Variants in MGAT4C observed in about 807,000 individuals in gnomAD.
MGAT4C encodes MGAT4 family member C.
A neutral mutation model predicts 40.1 loss-of-function variants in MGAT4C; 19 were observed. The ratio of observed to expected loss-of-function variants is 0.47; its 90% CI spans 0.33 to 0.70. The LOEUF (loss-of-function observed/expected upper bound fraction) is 0.70. Among genes scored for constraint, MGAT4C ranks in the 30% least tolerant of loss-of-function variants. The pLI is 0.02. For missense variants in MGAT4C, 491 were observed against 563.2 expected, an observed-to-expected ratio of 0.87 and a Z score of 1.30; for synonymous variants, 181 against 187.1, an observed-to-expected ratio of 0.97 and a Z score of 0.27.
At chr12:86,084,064 A>C (rs1871310093) in intron 1 of MGAT4C, among the ~76,000 whole-genome samples, 1 of 152,036 alleles carries the variant, frequency 6.6e-6, no homozygotes, top group South Asian at 2.1e-4. Flanking sequence ...TCATTCAACA[A>C]CTATTTCTGA....
chr12:86,251,164 A>G (rs1252798984), intron 1 of MGAT4C, among the ~76,000 whole-genome samples: 1 of 149,268 alleles, frequency 6.7e-6, no homozygotes, highest in Non-Finnish European at 1.5e-5. Context: ...TGAAGGCATG[A>G]AGACTGAAAA....
intron 1 of MGAT4C, among the ~76,000 whole-genome samples, chr12:86,053,835 AT>A (rs1272952457): frequency 6.6e-6 from 1 of 151,988 alleles, no homozygotes; most frequent in Non-Finnish European, 1.5e-5. Context: ...AGGTATATAC[AT>A]AAAAAATGCT....
chr12:86,055,245 A>G (rs1393335351), intron 1 of MGAT4C, among the ~76,000 whole-genome samples: 1 of 152,102 alleles, frequency 6.6e-6, no homozygotes, highest in Non-Finnish European at 1.5e-5. Flanking sequence ...ATAAATTTAC[A>G]TAAAGCACTG....
chr12:86,569,964 C>T (rs931195803), intron 2 of MGAT4C, among the ~76,000 whole-genome samples: 2 of 152,004 alleles, frequency 1.3e-5, no homozygotes, highest in Non-Finnish European at 2.9e-5. Flanking sequence ...AAGATAAATA[C>T]ATTATCTCAC....
At chr12:86,533,702 T>G (rs2136375770) in intron 2 of MGAT4C, among the ~76,000 whole-genome samples, 1 of 151,728 alleles carries the variant, frequency 6.6e-6, no homozygotes, top group African/African-American at 2.4e-5. Flanking sequence ...TATCTATATA[T>G]ATAAACAAAA....
At chr12:86,634,515 G>A (rs943975932) in intron 2 of MGAT4C, among the ~76,000 whole-genome samples, 7 of 152,080 alleles carry the variant, frequency 4.6e-5, no homozygotes, top group Non-Finnish European at 1.0e-4. Context: ...GTTTCACAAG[G>A]CAATTGTTTT....
intron 2 of MGAT4C, among the ~76,000 whole-genome samples, chr12:86,589,843 A>G (rs1277086485): frequency 6.6e-6 from 1 of 152,048 alleles, no homozygotes; most frequent in African/African-American, 2.4e-5. Flanking sequence ...TTAAAGCAAT[A>G]TTACTTGGAA....
At chr12:86,562,453 A>C (rs1419396112) in intron 2 of MGAT4C, among the ~76,000 whole-genome samples, 3 of 152,004 alleles carry the variant, frequency 2.0e-5, no homozygotes, top group Admixed American at 6.6e-5. Flanking sequence ...TTTTTGCCAG[A>C]GGAAAAAGCC....
Position 85,968,553 on chromosome 12 carries a change from G to C in MGAT4C, c.*10736C>G, listed in dbSNP as rs1883468708. 1 of 151,828 alleles carries C rather than the reference G, an allele frequency of 6.6e-6. No individual in the cohort carries two copies. Among genetic ancestry groups the C allele is most frequent in the Admixed American group, 6.6e-5 (1 of 15,200 alleles). 9.4% of individuals were successfully genotyped at this position (151,828 alleles called of 1,614,324 possible). On this transcript the variant is annotated 3_prime_UTR_variant, in exon 5 of 5. Coordinates refer to ENST00000611864, the MANE Select transcript of MGAT4C (RefSeq NM_001351288.2). ...AATAGTATTGAAATACCTAAAAAGG[G>C]CAGGAAACAACACAGAATAATCTAC... is the stretch of plus-strand genomic sequence containing the variant.
At chr12:86,754,910 G>A (rs748335343) in intron 1 of MGAT4C, among the ~76,000 whole-genome samples, 2 of 151,692 alleles carry the variant, frequency 1.3e-5, no homozygotes, top group African/African-American at 4.8e-5. Flanking sequence ...CTATGTTAAC[G>A]TATTCAATCA....
rs1478736291 is a variant in MGAT4C, at chr12:86,408,475, CTCTCTATATA to C, written c.-120+26672_-120+26681del. 1.2e-4 allele frequency among the ~76,000 whole-genome samples: 13 copies of C among 104,388 alleles called. No homozygotes were observed. The East Asian group carries it at 1.7e-3, about 13-fold the overall frequency. The allele number at this position is 104,388 out of a possible 152,430, so 68.5% of individuals were successfully genotyped here. A position where few individuals can be genotyped will look rare whatever the true frequency, so the allele number is the denominator to read the frequency against. On this transcript the variant is annotated intron_variant, in intron 3 of 7. Coordinates refer to the MGAT4C transcript ENST00000548651. ...TCTCTCTCTCTCTCTCTCTCTCTCT[CTCTCTATATA>C]TATATATATATATATATATATATAT...
chr12:86,201,522 A>G (rs1434374683), intron 1 of MGAT4C, among the ~76,000 whole-genome samples: 1 of 149,670 alleles, frequency 6.7e-6, no homozygotes. Context: ...TTTATATTAA[A>G]TTTAAAATTT....
intron 1 of MGAT4C, among the ~76,000 whole-genome samples, chr12:86,781,918 GT>G (rs1156572110): frequency 1.2e-4 from 11 of 94,448 alleles, no homozygotes; most frequent in Non-Finnish European, 2.1e-4. Context: ...AAACAGAATT[GT>G]TTTTTCTATT....
At position 86,288,830 on chromosome 12, in the gene MGAT4C, GT is replaced by G. The variant is rs1401062687; in HGVS notation, c.-57+45234del. Among the ~76,000 whole-genome samples the G allele has an allele frequency of 4.6e-5, 7 of 152,038 alleles. No homozygotes were observed. The East Asian group carries it at 1.4e-3, about 29-fold the overall frequency. Reference sequence around the variant, plus strand: ...ATATTAGACCTTTGTTGGACGCACAGTTTGTAAAAATTTTCTCCCATTCTGT... The same window carrying G: ...ATATTAGACCTTTGTTGGACGCACAGTTGTAAAAATTTTCTCCCATTCTGT... On this transcript the variant is annotated intron_variant, in intron 4 of 7. Coordinates refer to the MGAT4C transcript ENST00000548651.
intron 2 of MGAT4C, among the ~76,000 whole-genome samples, chr12:86,538,762 C>A (rs1464663930): frequency 6.6e-6 from 1 of 151,910 alleles, no homozygotes; most frequent in Non-Finnish European, 1.5e-5. Flanking sequence ...CGCCCGCCAC[C>A]ACGCCTGGCT....
At chr12:86,165,630 C>T (rs1349334450) in intron 1 of MGAT4C, among the ~76,000 whole-genome samples, 1 of 152,086 alleles carries the variant, frequency 6.6e-6, no homozygotes, top group African/African-American at 2.4e-5. Flanking sequence ...ATTTAAATCA[C>T]TTTGAGAATT....
Position 86,349,186 on chromosome 12 carries a change from C to T in MGAT4C, c.-119-15059G>A, listed in dbSNP as rs778637519. 1.6e-4 allele frequency among the ~76,000 whole-genome samples: 24 copies of T among 152,134 alleles called. 1 individual carries two copies. Among genetic ancestry groups the T allele is most frequent in the Non-Finnish European group, 7.4e-5 (5 of 68,024 alleles). On this transcript the variant is annotated intron_variant, in intron 3 of 7. Coordinates refer to the MGAT4C transcript ENST00000548651. ...AACAAAGAACTGGGATATATTTTCA[C>T]TCATAATGCCAGATGATTGGTGTGG... is the stretch of plus-strand genomic sequence containing the variant.
At chr12:86,299,612 C>G (rs1953763180) in intron 4 of MGAT4C, among the ~76,000 whole-genome samples, 2 of 152,110 alleles carry the variant, frequency 1.3e-5, no homozygotes, top group African/African-American at 4.8e-5. Flanking sequence ...CTTTTACATT[C>G]ATGAACTTGA....
intron 4 of MGAT4C, among the ~76,000 whole-genome samples, chr12:86,329,703 C>T (rs2136171696): frequency 6.6e-6 from 1 of 152,210 alleles, no homozygotes; most frequent in South Asian, 2.1e-4. Flanking sequence ...TTAAGTAATA[C>T]TTAATACTTC....
Sources: gnomAD v4.1 joint callset for allele counts (sites outside exome capture counted in the v4.1 genomes callset) on GRCh38, gnomAD v4.1.1 for gene constraint, MANE v1.5 for transcripts, NCBI Gene and HGNC (gene_info 2026-07-23, HGNC 2026-07-21) for gene names.